Variants in WWOX observed in about 807,000 individuals in gnomAD.
WWOX encodes WW domain-containing oxidoreductase.
WWOX carries 69 observed loss-of-function variants against 46.2 expected under a neutral mutation model. The observed-to-expected ratio is 1.49, with a 90% CI of 1.23 to 1.82. The LOEUF (loss-of-function observed/expected upper bound fraction) is 1.82, where lower values mean the gene tolerates loss of function less well. Among genes scored for constraint, WWOX ranks in the 40% most tolerant of loss-of-function variants. WWOX has a pLI of 0.00. For synonymous variants in WWOX, 359 were observed against 202.6 expected (o/e 1.77, Z -6.56); for missense variants, 919 against 542.6 (o/e 1.69, Z -6.89).
intron 8 of WWOX, among the ~76,000 whole-genome samples, chr16:78,555,820 T>C (rs2044280479): frequency 6.6e-6 from 1 of 152,094 alleles, no homozygotes; most frequent in Non-Finnish European, 1.5e-5. Flanking sequence ...TTCTGAGCCA[T>C]GCCAATAAGA....
chr16:78,523,233 C>T (rs2043387489), intron 8 of WWOX, among the ~76,000 whole-genome samples: 1 of 152,144 alleles, frequency 6.6e-6, no homozygotes, highest in East Asian at 1.9e-4. Flanking sequence ...CGTATCTAAA[C>T]CAAAGGACCT....
At chr16:79,187,313 C>T (rs575006528) in intron 8 of WWOX, among the ~76,000 whole-genome samples, 2 of 152,242 alleles carry the variant, frequency 1.3e-5, no homozygotes, top group Non-Finnish European at 2.9e-5. Flanking sequence ...ATCGTGGTGC[C>T]CCCAAACATG....
chr16:78,394,065 T>C lies in WWOX; in HGVS notation c.605+7117T>C, dbSNP rs566569420. Among the ~76,000 whole-genome samples the C allele has an allele frequency of 4.8e-4, 73 of 152,228 alleles. 1 individual carries two copies. Among genetic ancestry groups the C allele is most frequent in the Non-Finnish European group, 9.6e-4 (65 of 68,038 alleles). On this transcript the variant is annotated intron_variant, in intron 6 of 8. Transcript: ENST00000566780. ...AGGGAAGTGGGTGGGCTATAAATTA[T>C]AAATAAATTCCAAATTTTGTGGGAT...
chr16:79,005,741 C>G (rs770501883), intron 8 of WWOX, among the ~76,000 whole-genome samples: 1 of 152,218 alleles, frequency 6.6e-6, no homozygotes, highest in South Asian at 2.1e-4. Flanking sequence ...TACCTAAGTC[C>G]ATCTGCAAAG....
chr16:78,806,545 G>C (rs1473447784), intron 8 of WWOX, among the ~76,000 whole-genome samples: 3 of 152,070 alleles, frequency 2.0e-5, no homozygotes, highest in Admixed American at 6.5e-5. Flanking sequence ...ACTGGTGGGT[G>C]GGACCCTTGC....
intron 6 of WWOX, among the ~76,000 whole-genome samples, chr16:78,408,654 C>A (rs556371163): frequency 4.6e-5 from 7 of 152,262 alleles, no homozygotes; most frequent in African/African-American, 1.7e-4. Context: ...TTCCGTTGTG[C>A]CTGTCGTCTT....
intron 8 of WWOX, among the ~76,000 whole-genome samples, chr16:79,207,421 T>G (rs1297903155): frequency 6.6e-6 from 1 of 152,256 alleles, no homozygotes; most frequent in Non-Finnish European, 1.5e-5. Context: ...TCAAAAGGGC[T>G]GTTCTCCTTC....
intron 5 of WWOX, among the ~76,000 whole-genome samples, chr16:78,311,088 G>A (rs950905148): frequency 6.6e-6 from 1 of 152,204 alleles, no homozygotes; most frequent in Admixed American, 6.5e-5. Context: ...GGGTACAGAT[G>A]TGGGACTTGT....
chr16:78,100,053 G>A, intron 1 of WWOX, 168 bp downstream of exon 1: 3 of 1,410,994 alleles, frequency 2.1e-6, no homozygotes, highest in Non-Finnish European at 2.8e-6. Context: ...GTAGGGGCCG[G>A]CCCCCTTGGT....
At chr16:78,541,704 C>G (rs2043900582) in intron 8 of WWOX, among the ~76,000 whole-genome samples, 1 of 151,676 alleles carries the variant, frequency 6.6e-6, no homozygotes, top group Non-Finnish European at 1.5e-5. Flanking sequence ...GCCTTTGTTC[C>G]CCTCCAGGTC....
intron 8 of WWOX, among the ~76,000 whole-genome samples, chr16:78,829,171 G>A (rs921779312): frequency 5.3e-5 from 8 of 152,150 alleles, no homozygotes; most frequent in Non-Finnish European, 1.0e-4. Flanking sequence ...TAGCTAGACA[G>A]ATGGACAGAT....
intron 5 of WWOX, among the ~76,000 whole-genome samples, chr16:78,299,674 T>G (rs1038166613): frequency 1.3e-5 from 2 of 151,998 alleles, no homozygotes; most frequent in Non-Finnish European, 1.5e-5. Flanking sequence ...ACTACAAGGT[T>G]GTGCCACCAT....
intron 8 of WWOX, chr16:78,996,226 A>C (rs990282235): frequency 1.0e-6 from 1 of 985,234 alleles, no homozygotes; most frequent in Non-Finnish European, 1.2e-6. Flanking sequence ...TTGTGGATAG[A>C]AGAAGTAACC....
At chr16:78,492,502 C>A (rs934754331) in intron 8 of WWOX, among the ~76,000 whole-genome samples, 1 of 152,162 alleles carries the variant, frequency 6.6e-6, no homozygotes, top group African/African-American at 2.4e-5. Flanking sequence ...ACAGAACACT[C>A]ATTCATCTAC....
At chr16:78,138,881 C>G (rs925302793) in intron 4 of WWOX, among the ~76,000 whole-genome samples, 1 of 152,170 alleles carries the variant, frequency 6.6e-6, no homozygotes, top group Non-Finnish European at 1.5e-5. Flanking sequence ...TCTCTATTAC[C>G]TACAGCTGCT....
At chr16:78,728,298 G>T (rs1348816268) in intron 8 of WWOX, among the ~76,000 whole-genome samples, 2 of 151,856 alleles carry the variant, frequency 1.3e-5, no homozygotes, top group African/African-American at 4.8e-5. Context: ...CTGAACTCCT[G>T]AGCTCAAGCG....
chr16:78,897,295 A>G (rs936245079), intron 8 of WWOX: 1 of 149,784 alleles, frequency 6.7e-6, no homozygotes, highest in Admixed American at 6.7e-5. Flanking sequence ...GAACATTCCC[A>G]TCACGTCGGT....
chr16:78,884,449 A>G (rs964249952), intron 8 of WWOX, among the ~76,000 whole-genome samples: 2 of 152,174 alleles, frequency 1.3e-5, no homozygotes, highest in African/African-American at 2.4e-5. Context: ...CCAGATATCT[A>G]TCAGTGGTGG....
At chr16:79,185,455 T>C (rs1387999935) in intron 8 of WWOX, among the ~76,000 whole-genome samples, 1 of 152,038 alleles carries the variant, frequency 6.6e-6, no homozygotes, top group Non-Finnish European at 1.5e-5. Flanking sequence ...TCTTTAACAA[T>C]TACTTTTGGA....
Sources: gnomAD v4.1 joint callset for allele counts (sites outside exome capture counted in the v4.1 genomes callset) on GRCh38, gnomAD v4.1.1 for gene constraint, MANE v1.5 for transcripts, NCBI Gene and HGNC (gene_info 2026-07-23, HGNC 2026-07-21) for gene names.